Variants in SLC12A3 observed in about 807,000 individuals in gnomAD.
SLC12A3 encodes solute carrier family 12 member 3.
In SLC12A3, 104 loss-of-function variants were observed where a neutral mutation model predicts 121.0. The ratio of observed to expected loss-of-function variants is 0.86; its 90% CI spans 0.73 to 1.01. The LOEUF (loss-of-function observed/expected upper bound fraction) is 1.01. SLC12A3 is among the 50% of genes least tolerant of loss of function. The probability of loss-of-function intolerance (pLI) is 0.00; values close to 1 mark genes in which losing one functional copy is unlikely to be tolerated. For missense variants in SLC12A3, 1,328 were observed against 1,356.3 expected, an observed-to-expected ratio of 0.98 and a Z score of 0.33; for synonymous variants, 536 against 533.4, an observed-to-expected ratio of 1.00 and a Z score of -0.07.
intron 17 of SLC12A3, 107 bp from the exon 18 acceptor site, chr16:56,887,818 T>TTTTTA (rs2055338379): frequency 4.0e-6 from 1 of 247,774 alleles, no homozygotes; most frequent in Non-Finnish European, 7.5e-6. Flanking sequence ...TTTTTTTTTT[T>TTTTTA]GAGAATCAGC....
At chr16:56,888,658 A>T (rs2055350959) in intron 18 of SLC12A3, among the ~76,000 whole-genome samples, 1 of 136,170 alleles carries the variant, frequency 7.3e-6, no homozygotes, top group South Asian at 2.3e-4. Context: ...TCCCGGGTTC[A>T]CGCCATTCTC....
At chr16:56,890,621 G>C (rs183063392) in intron 19 of SLC12A3, among the ~76,000 whole-genome samples, 1 of 152,152 alleles carries the variant, frequency 6.6e-6, no homozygotes, top group African/African-American at 2.4e-5. Flanking sequence ...AATATAGGCC[G>C]GACATGGTGG....
intron 2 of SLC12A3, among the ~76,000 whole-genome samples, chr16:56,867,481 G>A (rs1266082097): frequency 6.6e-6 from 1 of 152,246 alleles, no homozygotes; most frequent in Non-Finnish European, 1.5e-5. Context: ...TCCATGAAGG[G>A]AAGGAAAAGG....
Position 56,885,296 on chromosome 16 carries a change from C to T in SLC12A3, c.1857C>T (p.Gly619=). 6.4e-7 allele frequency: 1 copy of T among 1,554,840 alleles called. No individual in the cohort carries two copies. The highest frequency in any genetic ancestry group is 8.7e-7 in the Non-Finnish European group (1 of 1,148,686). The part of the protein sequence containing the change: ...EVNWGSSVQA[G]SYNLALSYSV... ...ATTGGGGCTCCTCGGTACAGGCTGG[C>T]TCCTACAACCTGGCCCTCAGCTACT... is the stretch of plus-strand genomic sequence containing the variant. The change falls in exon 15 of 26, where the codon GGC becomes GGT. Residue 619 remains glycine, a synonymous_variant. Transcript: ENST00000563236.
At chr16:56,876,424 C>T (rs2055164695) in intron 8 of SLC12A3, among the ~76,000 whole-genome samples, 1 of 152,160 alleles carries the variant, frequency 6.6e-6, no homozygotes, top group African/African-American at 2.4e-5. Context: ...GTGCATGGCC[C>T]AGTTGAGTCA....
At chr16:56,878,279 G>C (rs1272271556) in intron 9 of SLC12A3, 118 bp downstream of exon 9, 1 of 779,256 alleles carries the variant, frequency 1.3e-6, no homozygotes, top group Admixed American at 2.0e-5. Context: ...CTAACAACAG[G>C]GAGAGCTGGG....
At chr16:56,893,102 G>C in intron 21 of SLC12A3, 48 bp downstream of exon 21, 2 of 1,481,028 alleles carry the variant, frequency 1.4e-6, no homozygotes, top group Non-Finnish European at 1.9e-6. Flanking sequence ...GGGGCGGGGT[G>C]GTGGTGGTCT....
rs751488136 is a variant in SLC12A3, at chr16:56,899,560, G to T, written c.2664G>T (p.Leu888=). The T allele has an allele frequency of 3.1e-6, 5 of 1,614,108 alleles. No individual in the cohort carries two copies. In the South Asian group the frequency reaches 5.5e-5, roughly 18 times the overall value. The change falls in exon 23 of 26, where the codon CTG becomes CTT. Residue 888 remains leucine, a synonymous_variant. Transcript: ENST00000563236. ...TTTCTCTGCTGAGCAAGTTCCGACT[G>T]GGATTCCATGAAGTCCACATCCTCC... ...AIISLLSKFR[L]GFHEVHILPD... is the part of the protein sequence containing the mutation.
At chr16:56,899,396 T>C in intron 22 of SLC12A3, 134 bp from the exon 23 acceptor site, 1 of 716,324 alleles carries the variant, frequency 1.4e-6, no homozygotes, top group Non-Finnish European at 2.5e-6. Flanking sequence ...GGCTGGGGCA[T>C]GAGAATTGCT....
intron 13 of SLC12A3, among the ~76,000 whole-genome samples, chr16:56,882,994 C>A (rs1478427904): frequency 6.6e-6 from 1 of 152,074 alleles, no homozygotes; most frequent in Admixed American, 6.6e-5. Context: ...TCCTTTCTCG[C>A]GCACTGACAG....
rs2055069867 is a variant in SLC12A3 at position 56,869,988 on chromosome 16, C to T, written c.602-108C>T. 2.4e-5 allele frequency: 35 copies of T among 1,474,890 alleles called. No individual in the cohort carries two copies. The South Asian group carries it at 3.8e-4, about 16-fold the overall frequency. 91.4% of individuals were successfully genotyped at this position (1,474,890 alleles called of 1,614,324 possible). A position where few individuals can be genotyped will look rare whatever the true frequency, so the allele number is the denominator to read the frequency against. ...CACCACGAGATGGCCTCAGCTATCT[C>T]CTGCCCCGTGGGTCCTGTGGCCACC... On this transcript the variant is annotated intron_variant, in intron 4 of 25. Coordinates refer to ENST00000563236, the MANE Select transcript of SLC12A3 (RefSeq NM_001126108.2).
chr16:56,870,553 C>T, intron 5 of SLC12A3, 73 bp from the exon 6 acceptor site: 1 of 1,031,400 alleles, frequency 9.7e-7, no homozygotes, highest in Non-Finnish European at 1.5e-6. Context: ...GGAGGTGCCT[C>T]CTAGGTGGGC....
chr16:56,900,519 T>TTTTATTTATTTATTTATTTATTTA lies in SLC12A3; in HGVS notation c.2720+909_2720+932dup, dbSNP rs59010768. 4.2e-4 allele frequency among the ~76,000 whole-genome samples: 63 copies of TTTTATTTATTTATTTATTTATTTA among 148,544 alleles called. 1 individual carries two copies. The highest frequency in any genetic ancestry group is 3.4e-3 in the Middle Eastern group (1 of 292). ...ATACAGACCCCATCTAGCATCTGAT[T>TTTTATTTATTTATTTATTTATTTA]TTTATTTATTTATTTATTTATTTAT... On this transcript the variant is annotated intron_variant, in intron 23 of 25. Coordinates refer to ENST00000563236, the MANE Select transcript of SLC12A3 (RefSeq NM_001126108.2).
intron 8 of SLC12A3, 127 bp downstream of exon 8, chr16:56,872,913 C>A: frequency 3.2e-6 from 4 of 1,253,384 alleles, no homozygotes; most frequent in Admixed American, 1.8e-5. Context: ...CCAGTCCAGT[C>A]CAACTCAGCT....
intron 18 of SLC12A3, among the ~76,000 whole-genome samples, chr16:56,889,387 AC>A (rs2055359985): frequency 6.6e-6 from 1 of 152,168 alleles, no homozygotes; most frequent in African/African-American, 2.4e-5. Context: ...ATTGGCCCAA[AC>A]CCCAGTGGTG....
At position 56,872,636 on chromosome 16, in the gene SLC12A3, A is replaced by G; in HGVS notation, c.965-20A>G. On this transcript the variant is annotated intron_variant, in intron 7 of 25. Coordinates refer to ENST00000563236, the MANE Select transcript of SLC12A3 (RefSeq NM_001126108.2). ...CAAGCCCTCCAGGTGAGCCTTACTC[A>G]TCAGGCCTTGCTTTTCCAGCGGACA... 1 of 1,614,220 alleles carries G rather than the reference A, an allele frequency of 6.2e-7. No homozygotes were observed. Among genetic ancestry groups the G allele is most frequent in the Non-Finnish European group, 8.5e-7 (1 of 1,180,042 alleles).
intron 8 of SLC12A3, among the ~76,000 whole-genome samples, chr16:56,876,188 A>G (rs112353861): frequency 0.026 from 3,956 of 152,024 alleles, 170 homozygotes; most frequent in African/African-American, 0.09. Flanking sequence ...GCCTTCTTTC[A>G]TCTGTGGGTC....
chr16:56,866,963 C>CG, intron 1 of SLC12A3, 107 bp from the exon 2 acceptor site: 9 of 1,463,672 alleles, frequency 6.1e-6, no homozygotes, highest in Non-Finnish European at 6.6e-6. Context: ...GCTGAGGGGT[C>CG]GGGGGGTGCT....
At chr16:56,886,262 G>C in intron 15 of SLC12A3, 102 bp from the exon 16 acceptor site, 1 of 801,848 alleles carries the variant, frequency 1.2e-6, no homozygotes. Flanking sequence ...GGTCATGCTG[G>C]TGGCCACACC....
Sources: allele counts gnomAD v4.1 joint callset (sites outside exome capture counted in the v4.1 genomes callset), GRCh38; gene constraint gnomAD v4.1.1; transcripts MANE v1.5; gene names NCBI Gene and HGNC (gene_info 2026-07-23, HGNC 2026-07-21).